The following SMG6 variants were observed in gnomAD, a reference collection of about 807,000 sequenced individuals.
SMG6 encodes the protein telomerase-binding protein EST1A.
Under a neutral mutation model 142.2 loss-of-function variants are expected in SMG6, and 66 were observed. The ratio of observed to expected loss-of-function variants is 0.46; its 90% CI spans 0.38 to 0.57. The LOEUF is 0.57. SMG6 is among the 20% of genes least tolerant of loss of function. The probability of loss-of-function intolerance (pLI) is 0.00; values close to 1 mark genes in which losing one functional copy is unlikely to be tolerated. For synonymous variants in SMG6, 779 were observed against 702.4 expected (o/e 1.11, Z -1.72); for missense variants, 1,793 against 1,832.0 (o/e 0.98, Z 0.39).
chr17:2,156,721 C>G (rs943099089), intron 13 of SMG6, among the ~76,000 whole-genome samples: 5 of 152,154 alleles, frequency 3.3e-5, no homozygotes, highest in African/African-American at 1.2e-4. Context: ...GTGGCACGAT[C>G]ACTGCTCACT....
chr17:2,283,387 T>C (rs2074832890), intron 7 of SMG6, among the ~76,000 whole-genome samples: 1 of 152,176 alleles, frequency 6.6e-6, no homozygotes, highest in South Asian at 2.1e-4. Context: ...AAAGCTCTCC[T>C]GAAGATCACA....
intron 8 of SMG6, among the ~76,000 whole-genome samples, chr17:2,269,716 T>A (rs758366208): frequency 2.6e-5 from 4 of 152,102 alleles, no homozygotes; most frequent in Non-Finnish European, 5.9e-5. Flanking sequence ...CACGAGAGAT[T>A]TGGGAAGAGG....
At chr17:2,228,590 T>C (rs748600727) in intron 10 of SMG6, among the ~76,000 whole-genome samples, 6 of 150,734 alleles carry the variant, frequency 4.0e-5, no homozygotes, top group Non-Finnish European at 5.9e-5. Context: ...CTTGAACTCC[T>C]GGCCTCAAGT....
intron 8 of SMG6, among the ~76,000 whole-genome samples, chr17:2,271,872 G>A (rs1274694236): frequency 6.6e-6 from 1 of 152,116 alleles, no homozygotes; most frequent in East Asian, 1.9e-4. Context: ...TAAGTGCATT[G>A]TCTAAAAGAA....
rs2075202270 is a variant in SMG6 at position 2,298,788 on chromosome 17, G to A, written c.1847+118C>T. 3.4e-6 allele frequency: 3 copies of A among 891,612 alleles called. No homozygotes were observed. In the Admixed American group the frequency reaches 7.1e-5, roughly 21 times the overall value. The allele number at this position is 891,612 out of a possible 1,614,324, so 55.2% of individuals were successfully genotyped here. A position where few individuals can be genotyped will look rare whatever the true frequency, so the allele number is the denominator to read the frequency against. On this transcript the variant is annotated intron_variant, in intron 2 of 18. Transcript: ENST00000263073. ...TCCAACTGCCCTTCCCTTACAACGT[G>A]AAAAGGAAATAATACCCAGTGGCTC...
intron 8 of SMG6, among the ~76,000 whole-genome samples, chr17:2,269,342 G>C (rs924526512): frequency 6.6e-6 from 1 of 151,308 alleles, no homozygotes; most frequent in African/African-American, 2.4e-5. Context: ...AATGAGCCGA[G>C]ATCGTGCCGC....
chr17:2,106,997 T>G (rs2069173800), intron 13 of SMG6, among the ~76,000 whole-genome samples: 1 of 152,174 alleles, frequency 6.6e-6, no homozygotes, highest in South Asian at 2.1e-4. Context: ...CTGAGTTTTG[T>G]ATTTTTAGTA....
intron 13 of SMG6, among the ~76,000 whole-genome samples, chr17:2,106,709 G>A (rs963262766): frequency 6.6e-6 from 1 of 152,168 alleles, no homozygotes; most frequent in South Asian, 2.1e-4. Flanking sequence ...ATATATGGGG[G>A]AATGCAGGAG....
Position 2,085,820 on chromosome 17 carries a change from C to A in SMG6, c.3439G>T (p.Ala1147Ser). The A allele has an allele frequency of 2.5e-6, 4 of 1,614,164 alleles. No homozygotes were observed. The highest frequency in any genetic ancestry group is 3.4e-6 in the Non-Finnish European group (4 of 1,180,014). Residue 1147 changes from alanine (A) to serine (S), a missense_variant, in exon 14 of 19, where the codon GCA (alanine) becomes TCA (serine). This residue lies in a region of SMG6 where 1,597 missense variants were observed against 1,584.6 expected (regional missense o/e 1.01). Transcript: ENST00000263073. This position sits in a 1 kb window ranked among gnomAD's most constrained non-coding sequence, Gnocchi z 4.1. ...GACACATACTTTCCACCCTTGAATG[C>A]CAGCAGAGGCTCTTCTTGTCCACAA... is the stretch of plus-strand genomic sequence containing the variant. The part of the protein sequence containing the change: ...ALCGQEEPLL[A>S]FKGGKYVSVA...
intron 12 of SMG6, among the ~76,000 whole-genome samples, chr17:2,182,214 C>A (rs184642901): frequency 2.4e-4 from 37 of 152,312 alleles, no homozygotes; most frequent in Non-Finnish European, 5.3e-4. Context: ...GTCCTCATTA[C>A]AGATTAATAG....
chr17:2,300,665 C>G lies in SMG6; in HGVS notation c.89-1G>C. 6.4e-7 allele frequency: 1 copy of G among 1,569,178 alleles called. No homozygotes were observed. The highest frequency in any genetic ancestry group is 8.6e-7 in the Non-Finnish European group (1 of 1,161,664). ...GCCTCCTTTAATTCCTTCATGTTTTCTGTTATGTCGGGGAAAGAGTTTGGG... is the reference window on the plus strand; with the variant it reads ...GCCTCCTTTAATTCCTTCATGTTTTGTGTTATGTCGGGGAAAGAGTTTGGG... On this transcript the variant is annotated splice_acceptor_variant, in intron 1 of 18. Transcript: ENST00000263073. LOFTEE classifies it high-confidence loss of function.
intron 10 of SMG6, among the ~76,000 whole-genome samples, chr17:2,195,656 T>C (rs959157094): frequency 6.6e-6 from 1 of 152,184 alleles, no homozygotes; most frequent in Non-Finnish European, 1.5e-5. Context: ...CCAGACATAA[T>C]AACTAAGACA....
rs1255119328 is a variant in SMG6 at position 2,282,852 on chromosome 17, T to C, written c.2456A>G (p.Gln819Arg). Reference sequence around the variant, plus strand: ...TTCCTCATGTTGCTTCTTTTCCATCTGTTCTGCCTATATAACATACAAACA... The same window carrying C: ...TTCCTCATGTTGCTTCTTTTCCATCCGTTCTGCCTATATAACATACAAACA... ...LFEETKRKAEQMEKKQHEEFD... is the reference protein window; with the variant it reads ...LFEETKRKAERMEKKQHEEFD... Residue 819 changes from glutamine to arginine, a missense_variant, in exon 8 of 19, where the codon CAG becomes CGG. Physicochemically the swap from Gln to Arg is conservative, Grantham distance 43. This residue lies in a region of SMG6 where 1,597 missense variants were observed against 1,584.6 expected (regional missense o/e 1.01). Coordinates refer to ENST00000263073, the MANE Select transcript of SMG6 (RefSeq NM_017575.5). 3 of 1,614,204 alleles carry C rather than the reference T, an allele frequency of 1.9e-6. No homozygotes were observed. In the South Asian group the frequency reaches 3.3e-5, roughly 18 times the overall value.
In SMG6 at chr17:2,302,024, G is replaced by C. The variant is rs1057466480; in HGVS notation, c.89-1360C>G. ...TCCCAGCACTTTGGGAGGCTGAGGCGGGAGGACTGCTTGAGGCCAGGAGTT... is the reference window on the plus strand; with the variant it reads ...TCCCAGCACTTTGGGAGGCTGAGGCCGGAGGACTGCTTGAGGCCAGGAGTT... On this transcript the variant is annotated intron_variant, in intron 1 of 18. Coordinates refer to ENST00000263073, the MANE Select transcript of SMG6 (RefSeq NM_017575.5). 2.6e-5 allele frequency among the ~76,000 whole-genome samples: 4 copies of C among 152,088 alleles called. No homozygotes were observed. The East Asian group carries it at 7.7e-4, about 29-fold the overall frequency.
chr17:2,258,671 GCC>G (rs2074247382), intron 8 of SMG6, among the ~76,000 whole-genome samples: 2 of 151,486 alleles, frequency 1.3e-5, no homozygotes, highest in Non-Finnish European at 2.9e-5. Flanking sequence ...TGGTGGTGCA[GCC>G]TGTAGTCCCA....
rs142614613 is a variant in SMG6, at chr17:2,299,144, C to T, written c.1609G>A (p.Gly537Ser). Residue 537 changes from glycine (G) to serine (S), a missense_variant, in exon 2 of 19, where the codon GGT becomes AGT. Around this residue, in one of 3 missense-constraint regions of SMG6, gnomAD observed 1,597 missense variants for 1,584.6 expected, o/e 1.01. Coordinates refer to ENST00000263073, the MANE Select transcript of SMG6 (RefSeq NM_017575.5). This position sits in a 1 kb window ranked among gnomAD's most constrained non-coding sequence, Gnocchi z 4.3. ...PLQYPVGPTN[G>S]VYPGPYYPGY... ...GGGTAGTAAGGCCCTGGGTACACACCATTCGTAGGGCCCACTGGGTACTGT... is the reference window on the plus strand; with the variant it reads ...GGGTAGTAAGGCCCTGGGTACACACTATTCGTAGGGCCCACTGGGTACTGT... 9 of 1,613,014 alleles carry T rather than the reference C, an allele frequency of 5.6e-6. No homozygotes were observed. The highest frequency in any genetic ancestry group is 1.3e-5 in the African/African-American group (1 of 74,892).
At chr17:2,077,810 G>A (rs2068302122) in intron 15 of SMG6, among the ~76,000 whole-genome samples, 1 of 152,140 alleles carries the variant, frequency 6.6e-6, no homozygotes, top group East Asian at 1.9e-4. Context: ...GGAACCATAG[G>A]CACGTGCCCA....
intron 13 of SMG6, among the ~76,000 whole-genome samples, chr17:2,134,545 A>C (rs17834325): frequency 0.043 from 6,482 of 152,112 alleles, 217 homozygotes; most frequent in Non-Finnish European, 0.066. Flanking sequence ...TATGAAAATG[A>C]AACACTGAGA....
Position 2,129,068 on chromosome 17 carries a change from C to G in SMG6, c.3358-43167G>C, listed in dbSNP as rs546307560. Among the ~76,000 whole-genome samples, 13 of 152,260 alleles carry G rather than the reference C, an allele frequency of 8.5e-5. No individual in the cohort carries two copies. The South Asian group carries it at 2.5e-3, about 29-fold the overall frequency. On this transcript the variant is annotated intron_variant, in intron 13 of 18. Transcript: ENST00000263073. Reference sequence around the variant, plus strand: ...TTTAAATTAGAATTTTATTACTGGGCTGGGTGGGGTGGCTCACACCTGTAA... The same window carrying G: ...TTTAAATTAGAATTTTATTACTGGGGTGGGTGGGGTGGCTCACACCTGTAA...
Sources: allele counts gnomAD v4.1 joint callset (sites outside exome capture counted in the v4.1 genomes callset), GRCh38; gene constraint gnomAD v4.1.1; regional missense constraint gnomAD v4.1.1; non-coding constraint Gnocchi (gnomAD v3.1); transcripts MANE v1.5; gene names NCBI Gene and HGNC (gene_info 2026-07-23, HGNC 2026-07-21).